TNRC6B: variants seen among roughly 807,000 people sequenced by gnomAD.
TNRC6B encodes trinucleotide repeat containing adaptor 6B.
TNRC6B carries 52 observed loss-of-function variants against 203.6 expected under a neutral mutation model. The ratio of observed to expected loss-of-function variants is 0.26; its 90% confidence interval spans 0.20 to 0.32. TNRC6B has a LOEUF of 0.32. Among genes scored for constraint, TNRC6B ranks in the 10% least tolerant of loss-of-function variants. The probability of loss-of-function intolerance (pLI) is 1.00; values close to 1 mark genes in which losing one functional copy is unlikely to be tolerated. For synonymous variants in TNRC6B, 838 were observed against 845.7 expected, an observed-to-expected ratio of 0.99 and a Z score of 0.16; for missense variants, 1,923 against 2,286.2, an observed-to-expected ratio of 0.84 and a Z score of 3.24.
chr22:40,140,906 G>T (rs919598006), intron 3 of TNRC6B, among the ~76,000 whole-genome samples: 2 of 152,060 alleles, frequency 1.3e-5, no homozygotes, highest in Non-Finnish European at 2.9e-5. Context: ...CTCCCAAAAG[G>T]CTGGGATTAC....
chr22:40,193,775 A>T (rs1260302340), intron 1 of TNRC6B, among the ~76,000 whole-genome samples: 1 of 152,132 alleles, frequency 6.6e-6, no homozygotes, highest in African/African-American at 2.4e-5. Context: ...CTGTTTCTGT[A>T]AAGTAGGAAT....
chr22:40,260,699 C>T (rs1467649379), intron 3 of TNRC6B, among the ~76,000 whole-genome samples: 1 of 152,192 alleles, frequency 6.6e-6, no homozygotes, highest in Non-Finnish European at 1.5e-5. Context: ...TTCCCAAGGA[C>T]TTTGCCATGG....
At chr22:40,259,263 G>T (rs2070336477) in intron 3 of TNRC6B, among the ~76,000 whole-genome samples, 1 of 151,192 alleles carries the variant, frequency 6.6e-6, no homozygotes, top group South Asian at 2.1e-4. Context: ...CTTGCTCTGT[G>T]GCCCAGGCTG....
rs2071455502 is a variant in TNRC6B at position 40,330,679 on chromosome 22, A to C, written c.*7438A>C. The stretch of plus-strand genomic sequence containing the variant: ...AAACATCATCCACCGCCCTTTTTAA[A>C]TTTTGTCTAAGGAATTACTTAAGTA... On this transcript the variant is annotated 3_prime_UTR_variant, in exon 23 of 23. Transcript: ENST00000454349. 6.6e-6 allele frequency: 1 copy of C among 152,628 alleles called. No individual in the cohort carries two copies. Among genetic ancestry groups the C allele is most frequent in the Non-Finnish European group, 1.5e-5 (1 of 68,040 alleles). 9.5% of individuals were successfully genotyped at this position (152,628 alleles called of 1,614,324 possible).
intron 1 of TNRC6B, among the ~76,000 whole-genome samples, chr22:40,190,340 C>T (rs1341631690): frequency 1.3e-5 from 2 of 152,226 alleles, no homozygotes; most frequent in East Asian, 1.9e-4. Context: ...GAATAGTACT[C>T]AAAACTTACA....
intron 6 of TNRC6B, among the ~76,000 whole-genome samples, chr22:40,271,874 G>A (rs552635747): frequency 1.3e-5 from 2 of 152,334 alleles, no homozygotes; most frequent in Non-Finnish European, 2.9e-5. Flanking sequence ...AGTTGATGGA[G>A]ACAGTTACCC....
At chr22:40,160,766 G>A (rs1360161441) in intron 4 of TNRC6B, among the ~76,000 whole-genome samples, 2 of 151,924 alleles carry the variant, frequency 1.3e-5, no homozygotes, top group Non-Finnish European at 2.9e-5. Context: ...GCCTCACTAT[G>A]TTGCCGAGGC....
intron 3 of TNRC6B, among the ~76,000 whole-genome samples, chr22:40,133,353 A>G (rs1034544685): frequency 6.6e-6 from 1 of 152,180 alleles, no homozygotes; most frequent in Non-Finnish European, 1.5e-5. Flanking sequence ...TTTTAATGCA[A>G]CAAACATTTA....
chr22:40,081,311 T>TG (rs2068062221), intron 1 of TNRC6B, among the ~76,000 whole-genome samples: 1 of 147,402 alleles, frequency 6.8e-6, no homozygotes, highest in Non-Finnish European at 1.5e-5. Context: ...CTGCGTGTTT[T>TG]TTTTTTTTTT....
Position 40,310,917 on chromosome 22 carries a change from T to C in TNRC6B, c.4359T>C (p.Gly1453=), listed in dbSNP as rs560498254. The C allele has an allele frequency of 8.7e-6, 14 of 1,611,412 alleles. No homozygotes were observed. The Admixed American group carries it at 2.2e-4, about 25-fold the overall frequency. ...DTLGGHTGPA[G]DSWLPAKSPP... ...TGGGTGGCCATACGGGTCCTGCTGG[T>C]GATAGCTGGTTACCTGCCAAATCTC... The change falls in exon 17 of 23, where the codon GGT becomes GGC. Residue 1453 remains glycine, a synonymous_variant. Transcript: ENST00000454349.
At chr22:40,107,891 A>G (rs1321622895) in intron 1 of TNRC6B, among the ~76,000 whole-genome samples, 1 of 150,932 alleles carries the variant, frequency 6.6e-6, no homozygotes, top group Non-Finnish European at 1.5e-5. Flanking sequence ...GCCACAAAAT[A>G]TGAAGAAAAT....
At chr22:40,260,498 G>A (rs529719358) in intron 3 of TNRC6B, among the ~76,000 whole-genome samples, 8 of 152,308 alleles carry the variant, frequency 5.3e-5, no homozygotes, top group African/African-American at 1.7e-4. Context: ...GGAGAATTTC[G>A]GTGGTAGAGA....
chr22:40,183,852 A>C (rs2069168747), intron 1 of TNRC6B, among the ~76,000 whole-genome samples: 1 of 151,838 alleles, frequency 6.6e-6, no homozygotes, highest in Non-Finnish European at 1.5e-5. Flanking sequence ...CTGCCACTAC[A>C]CCCAGCTAAT....
chr22:40,276,272 G>A (rs1038758635), intron 7 of TNRC6B, among the ~76,000 whole-genome samples: 21 of 151,850 alleles, frequency 1.4e-4, no homozygotes, highest in Admixed American at 1.2e-3. Flanking sequence ...GCGTGAGCCC[G>A]GGAGGCAAAG....
rs140403953 is a variant in TNRC6B at position 40,270,226 on chromosome 22, T to C, written c.2911T>C (p.Ser971Pro). Residue 971 changes from serine to proline, a missense_variant, in exon 6 of 23, where the codon TCG (serine) becomes CCG (proline). Coordinates refer to ENST00000454349, the MANE Select transcript of TNRC6B (RefSeq NM_001162501.2). ...GGGCGAGATGGATGATACAGGAGCA[T>C]CGACCACAGGCTGGGGGAACACGCC... ...GWGEMDDTGA[S>P]TTGWGNTPAN... 1.4e-3 allele frequency: 2,145 copies of C among 1,528,240 alleles called. 27 individuals carry two copies. The African/African-American group carries it at 0.02, about 14-fold the overall frequency. 94.7% of individuals were successfully genotyped at this position (1,528,240 alleles called of 1,614,324 possible).
At chr22:40,251,319 G>T (rs2070189524) in intron 3 of TNRC6B, 119 bp downstream of exon 3, 2 of 688,994 alleles carry the variant, frequency 2.9e-6, no homozygotes, top group African/African-American at 3.7e-5. Flanking sequence ...ATTAAGGTGG[G>T]TTGTTTGCAG....
At chr22:40,081,307 GT>G (rs34140652) in intron 1 of TNRC6B, among the ~76,000 whole-genome samples, 91 of 101,488 alleles carry the variant, frequency 9.0e-4, no homozygotes, top group African/African-American at 1.3e-3. Flanking sequence ...GTGTCTGCGT[GT>G]TTTTTTTTTT....
intron 1 of TNRC6B, among the ~76,000 whole-genome samples, chr22:40,184,570 G>T (rs939333068): frequency 6.6e-6 from 1 of 152,224 alleles, no homozygotes; most frequent in African/African-American, 2.4e-5. Flanking sequence ...CACTTGTTCA[G>T]ATTGGATTTT....
At chr22:40,109,258 C>G (rs967266004) in intron 1 of TNRC6B, among the ~76,000 whole-genome samples, 2 of 152,068 alleles carry the variant, frequency 1.3e-5, no homozygotes, top group East Asian at 3.9e-4. Flanking sequence ...GTGTATGTAT[C>G]TTTATAATAG....
Sources: allele counts gnomAD v4.1 joint callset (sites outside exome capture counted in the v4.1 genomes callset), GRCh38; gene constraint gnomAD v4.1.1; transcripts MANE v1.5; gene names NCBI Gene and HGNC (gene_info 2026-07-23, HGNC 2026-07-21).